Variants in HADHA observed in about 807,000 individuals in gnomAD.
HADHA encodes trifunctional enzyme subunit alpha, mitochondrial.
Under a neutral mutation model 91.3 loss-of-function variants are expected in HADHA, and 59 were observed. The observed-to-expected ratio is 0.65, with a 90% confidence interval of 0.52 to 0.80. HADHA has a LOEUF of 0.80. HADHA is among the 30% of genes least tolerant of loss of function. HADHA has a pLI of 0.00. For synonymous variants in HADHA, 320 were observed against 338.9 expected, an observed-to-expected ratio of 0.94 and a Z score of 0.61; for missense variants, 800 against 927.6, an observed-to-expected ratio of 0.86 and a Z score of 1.79.
At chr2:26,241,294 G>C (rs895405834) in intron 1 of HADHA, among the ~76,000 whole-genome samples, 1 of 152,074 alleles carries the variant, frequency 6.6e-6, no homozygotes, top group Non-Finnish European at 1.5e-5. Context: ...GAGAAGCGAC[G>C]AGATTAAGGA....
At chr2:26,237,628 CA>C (rs1255290330) in intron 3 of HADHA, among the ~76,000 whole-genome samples, 1 of 151,172 alleles carries the variant, frequency 6.6e-6, no homozygotes, top group Admixed American at 6.6e-5. Context: ...ACCCTATCTT[CA>C]AAAAAAACCA....
chr2:26,193,094 C>T (rs1271635434), intron 17 of HADHA, among the ~76,000 whole-genome samples: 2 of 152,054 alleles, frequency 1.3e-5, no homozygotes, highest in Admixed American at 6.5e-5. Context: ...ATACATTCTC[C>T]TCACAGGTGG....
chr2:26,234,341 C>G lies in HADHA; in HGVS notation c.329G>C (p.Cys110Ser), dbSNP rs1670696056. 6.2e-7 allele frequency: 1 copy of G among 1,613,240 alleles called. No individual in the cohort carries two copies. The change falls in exon 5 of 20, where the codon TGC becomes TCC. Residue 110 changes from cysteine (C) to serine (S), a missense_variant. Physicochemically the swap from Cys to Ser is moderately radical, Grantham distance 112. Coordinates refer to ENST00000380649, the MANE Select transcript of HADHA (RefSeq NM_000182.5). ...CTGTGTTACTTCTTGAAGGGTCTTGCAAGCGGCTAACATGCTGCATTATCC... is the reference window on the plus strand; with the variant it reads ...CTGTGTTACTTCTTGAAGGGTCTTGGAAGCGGCTAACATGCTGCATTATCC... The part of the protein sequence containing the change: ...AGADINMLAA[C>S]KTLQEVTQLS...
chr2:26,201,257 G>A lies in HADHA; in HGVS notation c.1284C>T (p.Asn428=), dbSNP rs199535840. ...TSFERDSIFS[N]LTGQLDYQGF... The stretch of plus-strand genomic sequence containing the variant: ...CTTGGTAATCAAGCTGCCCAGTCAA[G>A]TTGCTGAAGATGGAATCCCTTTCAA... The change falls in exon 13 of 20, where the codon AAC becomes AAT. Residue 428 remains asparagine, a synonymous_variant. Coordinates refer to ENST00000380649, the MANE Select transcript of HADHA (RefSeq NM_000182.5). 5.4e-5 allele frequency: 87 copies of A among 1,611,948 alleles called. No individual in the cohort carries two copies. In the East Asian group the frequency reaches 1.6e-3, roughly 31 times the overall value.
rs764872153 is a variant in HADHA, at chr2:26,193,691, C to T, written c.1771G>A (p.Val591Ile). The T allele has an allele frequency of 3.1e-5, 50 of 1,613,984 alleles. No homozygotes were observed. The highest frequency in any genetic ancestry group is 3.9e-5 in the Non-Finnish European group (46 of 1,179,958). The part of the protein sequence containing the change: ...PVGAATLVDE[V>I]GVDVAKHVAE... Reference sequence around the variant, plus strand: ...ACATGTTTCGCTACATCCACACCAACTTCATCCACCAGTGTGGCGGCACCC... The same window carrying T: ...ACATGTTTCGCTACATCCACACCAATTTCATCCACCAGTGTGGCGGCACCC... The change falls in exon 17 of 20, where the codon GTT becomes ATT. Residue 591 changes from valine (V) to isoleucine (I), a missense_variant. Physicochemically the swap from Val to Ile is conservative, Grantham distance 29. Coordinates refer to ENST00000380649, the MANE Select transcript of HADHA (RefSeq NM_000182.5).
chr2:26,201,013 T>G, intron 13 of HADHA, 136 bp downstream of exon 13: 10 of 744,076 alleles, frequency 1.3e-5, no homozygotes, highest in Non-Finnish European at 2.4e-5. Flanking sequence ...ATTATAGGCG[T>G]GAGCCACCAT....
chr2:26,217,839 C>T (rs56092275), intron 7 of HADHA, among the ~76,000 whole-genome samples: 3,789 of 152,046 alleles, frequency 0.025, 81 homozygotes, highest in Non-Finnish European at 0.041. Flanking sequence ...CCCAGAAGTT[C>T]GGGGCTTCAG....
intron 3 of HADHA, 30 bp from the exon 4 acceptor site, chr2:26,237,018 G>A (rs1268623240): frequency 1.3e-6 from 2 of 1,567,492 alleles, no homozygotes. Flanking sequence ...ACAGGTAAGG[G>A]TTTAAATTTG....
intron 11 of HADHA, 49 bp downstream of exon 11, chr2:26,209,731 T>G: frequency 1.1e-6 from 1 of 903,792 alleles, no homozygotes; most frequent in Non-Finnish European, 1.9e-6. Flanking sequence ...TCTGTGAACT[T>G]TGCACACAGT....
intron 11 of HADHA, among the ~76,000 whole-genome samples, chr2:26,207,841 A>T (rs1670007559): frequency 6.6e-6 from 1 of 152,248 alleles, no homozygotes; most frequent in Non-Finnish European, 1.5e-5. Flanking sequence ...ATGAAAGATT[A>T]ATTTGTAAAG....
chr2:26,230,979 T>G (rs143306848), intron 6 of HADHA, among the ~76,000 whole-genome samples: 1 of 152,024 alleles, frequency 6.6e-6, no homozygotes, highest in Non-Finnish European at 1.5e-5. Context: ...AGAAACCTGA[T>G]AGTTTTGACA....
intron 1 of HADHA, among the ~76,000 whole-genome samples, chr2:26,241,662 C>T (rs1264283737): frequency 1.3e-5 from 2 of 151,174 alleles, no homozygotes; most frequent in Non-Finnish European, 3.0e-5. Context: ...AAAAAAAAAA[C>T]CGAAAAAACA....
intron 5 of HADHA, among the ~76,000 whole-genome samples, chr2:26,232,493 A>G (rs1574624257): frequency 6.6e-6 from 1 of 152,054 alleles, no homozygotes; most frequent in South Asian, 2.1e-4. Flanking sequence ...TTTGGGCCGT[A>G]GATCTCCTAA....
In HADHA at chr2:26,201,168, A is replaced by G. The variant is rs1189627335; in HGVS notation, c.1373T>C (p.Val458Ala). The change falls in exon 13 of 20, where the codon GTG (valine) becomes GCG (alanine). Residue 458 changes from valine to alanine, a missense_variant. Coordinates refer to ENST00000380649, the MANE Select transcript of HADHA (RefSeq NM_000182.5). ...GCTTACCGCTTCTACTTCCTTTAGCACTCTGTGCTTAAGACTAAGGTCCTC... is the reference window on the plus strand; with the variant it reads ...GCTTACCGCTTCTACTTCCTTTAGCGCTCTGTGCTTAAGACTAAGGTCCTC... Reference protein sequence around the residue: ...VFEDLSLKHRVLKEVEAVIPD... With the variant: ...VFEDLSLKHRALKEVEAVIPD... 3.1e-6 allele frequency: 5 copies of G among 1,613,504 alleles called. No individual in the cohort carries two copies. The East Asian group carries it at 1.1e-4, about 36-fold the overall frequency.
intron 1 of HADHA, among the ~76,000 whole-genome samples, chr2:26,239,721 C>T (rs1199892655): frequency 2.7e-5 from 4 of 147,550 alleles, no homozygotes; most frequent in Non-Finnish European, 4.5e-5. Context: ...CAAGGTGACA[C>T]ATTAAAAAAA....
At chr2:26,230,091 G>C in intron 7 of HADHA, 101 bp downstream of exon 7, 1 of 748,704 alleles carries the variant, frequency 1.3e-6, no homozygotes, top group Non-Finnish European at 2.4e-6. Context: ...CCAAAGTGCT[G>C]GGATTACAGG....
intron 7 of HADHA, among the ~76,000 whole-genome samples, chr2:26,222,953 T>C (rs1362819791): frequency 1.3e-5 from 2 of 152,168 alleles, no homozygotes; most frequent in African/African-American, 4.8e-5. Flanking sequence ...GGTGCTACTT[T>C]TCCCACAGCC....
chr2:26,209,361 G>A (rs1670040681), intron 11 of HADHA, among the ~76,000 whole-genome samples: 1 of 152,224 alleles, frequency 6.6e-6, no homozygotes, highest in Admixed American at 6.5e-5. Flanking sequence ...TAGGTTGTAA[G>A]CTAAAAGAAG....
At chr2:26,237,472 C>A (rs189466534) in intron 3 of HADHA, among the ~76,000 whole-genome samples, 9 of 152,134 alleles carry the variant, frequency 5.9e-5, no homozygotes, top group African/African-American at 2.2e-4. Flanking sequence ...ACAGAAAATA[C>A]AAAAATTAGC....
Sources: allele counts gnomAD v4.1 joint callset (sites outside exome capture counted in the v4.1 genomes callset), GRCh38; gene constraint gnomAD v4.1.1; transcripts MANE v1.5; gene names NCBI Gene and HGNC (gene_info 2026-07-23, HGNC 2026-07-21).